Variants in CAMK1D observed in about 807,000 individuals in gnomAD.
The protein encoded by CAMK1D is calcium/calmodulin-dependent protein kinase type 1D.
CAMK1D carries 9 observed loss-of-function variants against 47.7 expected under a neutral mutation model. The observed-to-expected ratio is 0.19, with a 90% CI of 0.11 to 0.33. The LOEUF is 0.33. CAMK1D is among the 10% of genes least tolerant of loss of function. CAMK1D has a pLI of 1.00. For synonymous variants in CAMK1D, 184 were observed against 184.9 expected (o/e 0.99, Z 0.04); for missense variants, 291 against 488.7 (o/e 0.60, Z 3.81).
intron 1 of CAMK1D, among the ~76,000 whole-genome samples, chr10:12,430,393 C>T (rs980468337): frequency 1.3e-5 from 2 of 152,208 alleles, no homozygotes; most frequent in Non-Finnish European, 2.9e-5. Context: ...CTTTGGCCTC[C>T]TGTAGCTGTG....
At chr10:12,490,683 A>G (rs1366230011) in intron 1 of CAMK1D, among the ~76,000 whole-genome samples, 1 of 152,190 alleles carries the variant, frequency 6.6e-6, no homozygotes, top group Non-Finnish European at 1.5e-5. Flanking sequence ...TGTCTCTACT[A>G]AAAATACAAA....
intron 1 of CAMK1D, among the ~76,000 whole-genome samples, chr10:12,499,619 G>A (rs1834641344): frequency 6.6e-6 from 1 of 152,132 alleles, no homozygotes; most frequent in South Asian, 2.1e-4. Context: ...CACAAAGGAA[G>A]GCTATTTTTC....
intron 1 of CAMK1D, among the ~76,000 whole-genome samples, chr10:12,493,266 T>C (rs1201256066): frequency 1.3e-5 from 2 of 152,128 alleles, no homozygotes; most frequent in Non-Finnish European, 2.9e-5. Flanking sequence ...CAGACTGAAG[T>C]GTGAGACTGG....
At chr10:12,727,762 A>G (rs1412622220) in intron 3 of CAMK1D, among the ~76,000 whole-genome samples, 1 of 118,034 alleles carries the variant, frequency 8.5e-6, no homozygotes, top group African/African-American at 2.7e-5. Flanking sequence ...TAAATTAATC[A>G]CAGCCTTTTT....
At position 12,435,499 on chromosome 10, in the gene CAMK1D, C is replaced by T. The variant is rs541740818; in HGVS notation, c.92+85589C>T. On this transcript the variant is annotated intron_variant, in intron 1 of 10. Transcript: ENST00000619168. ...GAGTTCCTGTTACCTCAAGGTAATA[C>T]CGGCGGGCATCCTGTGACCTGCTCG... Among the ~76,000 whole-genome samples the T allele has an allele frequency of 2.6e-5, 4 of 152,156 alleles. No homozygotes were observed. The South Asian group carries it at 8.3e-4, about 32-fold the overall frequency.
intron 2 of CAMK1D, among the ~76,000 whole-genome samples, chr10:12,610,752 G>A (rs529215917): frequency 6.6e-6 from 1 of 152,248 alleles, no homozygotes; most frequent in South Asian, 2.1e-4. Flanking sequence ...TCTTAATCTG[G>A]CCTCTCAAGT....
At chr10:12,570,575 G>C (rs1000207288) in intron 2 of CAMK1D, among the ~76,000 whole-genome samples, 1 of 151,620 alleles carries the variant, frequency 6.6e-6, no homozygotes, top group Non-Finnish European at 1.5e-5. Flanking sequence ...AGCTACTCAG[G>C]AGGCTGAGGC....
chr10:12,642,135 T>C (rs1839684831), intron 2 of CAMK1D, among the ~76,000 whole-genome samples: 1 of 151,920 alleles, frequency 6.6e-6, no homozygotes, highest in Non-Finnish European at 1.5e-5. Flanking sequence ...ATAATGGGCA[T>C]GCAGTTATAT....
At chr10:12,610,416 G>T (rs748542802) in intron 2 of CAMK1D, among the ~76,000 whole-genome samples, 1 of 152,046 alleles carries the variant, frequency 6.6e-6, no homozygotes, top group Non-Finnish European at 1.5e-5. Flanking sequence ...TGATACTATG[G>T]TGCTGTCTCC....
chr10:12,764,391 A>AAAAAAAAAAAAAAC (rs1554822776), intron 4 of CAMK1D, among the ~76,000 whole-genome samples: 2 of 151,096 alleles, frequency 1.3e-5, no homozygotes, highest in Non-Finnish European at 3.0e-5. Context: ...CAAAAAAAAA[A>AAAAAAAAAAAAAAC]AAAAAAACAT....
intron 2 of CAMK1D, among the ~76,000 whole-genome samples, chr10:12,616,980 C>G (rs1838844095): frequency 6.6e-6 from 1 of 151,972 alleles, no homozygotes; most frequent in South Asian, 2.1e-4. Context: ...GTGGTGGTGA[C>G]TGGAAGTGTA....
chr10:12,642,222 A>G (rs1437280331), intron 2 of CAMK1D, among the ~76,000 whole-genome samples: 5 of 152,276 alleles, frequency 3.3e-5, no homozygotes, highest in South Asian at 2.1e-4. Context: ...TCACATTTCT[A>G]TACTAATTGT....
At chr10:12,352,278 T>G (rs1033342316) in intron 1 of CAMK1D, among the ~76,000 whole-genome samples, 1 of 152,206 alleles carries the variant, frequency 6.6e-6, no homozygotes, top group Admixed American at 6.5e-5. Flanking sequence ...TTGACTTAAC[T>G]TTAGTATTTG....
chr10:12,690,258 C>T lies in CAMK1D; in HGVS notation c.299+23448C>T, dbSNP rs530760721. On this transcript the variant is annotated intron_variant, in intron 3 of 10. Transcript: ENST00000619168. ...CCAGCCATTGTTCCATATACTGTGTCTTGACTCATTTCATATCTCAGTATC... is the reference window on the plus strand; with the variant it reads ...CCAGCCATTGTTCCATATACTGTGTTTTGACTCATTTCATATCTCAGTATC... Among the ~76,000 whole-genome samples the T allele has an allele frequency of 3.9e-5, 6 of 152,256 alleles. No homozygotes were observed. In the South Asian group the frequency reaches 1.2e-3, roughly 32 times the overall value.
chr10:12,656,680 A>G (rs1488765624), intron 2 of CAMK1D, among the ~76,000 whole-genome samples: 1 of 152,212 alleles, frequency 6.6e-6, no homozygotes, highest in Non-Finnish European at 1.5e-5. Flanking sequence ...TTTAGGTATC[A>G]TAGTCTTGGC....
At chr10:12,806,262 A>T (rs921323936) in intron 6 of CAMK1D, among the ~76,000 whole-genome samples, 2 of 152,140 alleles carry the variant, frequency 1.3e-5, no homozygotes, top group African/African-American at 4.8e-5. Flanking sequence ...CCCCAACTAG[A>T]ATGTAAATGG....
At chr10:12,497,348 G>A (rs560558449) in intron 1 of CAMK1D, among the ~76,000 whole-genome samples, 6 of 152,006 alleles carry the variant, frequency 3.9e-5, no homozygotes, top group South Asian at 2.1e-4. Context: ...GTGGTAGTGC[G>A]TGCCTGTAGT....
At chr10:12,532,341 G>A (rs1229210758) in intron 1 of CAMK1D, among the ~76,000 whole-genome samples, 4 of 150,804 alleles carry the variant, frequency 2.7e-5, no homozygotes, top group Non-Finnish European at 4.4e-5. Flanking sequence ...GTGCAGTGGC[G>A]GGATCTCGGC....
At chr10:12,607,754 A>C (rs1838505158) in intron 2 of CAMK1D, among the ~76,000 whole-genome samples, 1 of 152,156 alleles carries the variant, frequency 6.6e-6, no homozygotes, top group Non-Finnish European at 1.5e-5. Flanking sequence ...TGAGATTAGG[A>C]GTTCCAGACC....
Sources: allele counts gnomAD v4.1 joint callset (sites outside exome capture counted in the v4.1 genomes callset), GRCh38; gene constraint gnomAD v4.1.1; transcripts MANE v1.5; gene names NCBI Gene and HGNC (gene_info 2026-07-23, HGNC 2026-07-21).